Variants in DOP1B observed in about 807,000 individuals in gnomAD.
DOP1B encodes protein DOP1B.
Under a neutral mutation model 233.5 loss-of-function variants are expected in DOP1B, and 174 were observed. That is an observed-to-expected ratio of 0.75 (90% CI 0.66 to 0.85). The LOEUF is 0.85. Among genes scored for constraint, DOP1B ranks in the 40% least tolerant of loss-of-function variants. The pLI, the probability that DOP1B is intolerant of heterozygous loss-of-function variation, is 0.00. For synonymous variants in DOP1B, 1,190 were observed against 1,185.6 expected (o/e 1.00, Z -0.08); for missense variants, 2,652 against 2,846.6 (o/e 0.93, Z 1.56).
At chr21:36,202,127 C>T (rs2066374926) in intron 4 of DOP1B, among the ~76,000 whole-genome samples, 2 of 152,150 alleles carry the variant, frequency 1.3e-5, no homozygotes, top group African/African-American at 4.8e-5. Flanking sequence ...GTGAAGGTTG[C>T]AGCGAGCCGA....
At chr21:36,260,040 G>T (rs2067150295) in intron 23 of DOP1B, among the ~76,000 whole-genome samples, 1 of 151,770 alleles carries the variant, frequency 6.6e-6, no homozygotes, top group Non-Finnish European at 1.5e-5. Context: ...GGGTGCGGTG[G>T]TTCTACTTGG....
intron 11 of DOP1B, among the ~76,000 whole-genome samples, chr21:36,224,376 C>T (rs1251937292): frequency 6.6e-6 from 1 of 152,076 alleles, no homozygotes; most frequent in Non-Finnish European, 1.5e-5. Flanking sequence ...GACAGGGTTT[C>T]ACCATGTTGG....
At chr21:36,292,611 GTT>G (rs35069387) in intron 36 of DOP1B, among the ~76,000 whole-genome samples, 45,374 of 124,132 alleles carry the variant, frequency 0.37, 6,518 homozygotes, top group Middle Eastern at 0.45. Context: ...TTGTTTTTGG[GTT>G]TTTTTTTTTT....
At chr21:36,198,443 G>A (rs1343076221) in intron 2 of DOP1B, among the ~76,000 whole-genome samples, 4 of 149,088 alleles carry the variant, frequency 2.7e-5, no homozygotes, top group Non-Finnish European at 4.5e-5. Flanking sequence ...AAAAAAAAAA[G>A]AAAAAAAAAG....
chr21:36,242,810 A>G (rs1344254071), intron 18 of DOP1B, among the ~76,000 whole-genome samples: 2 of 152,072 alleles, frequency 1.3e-5, no homozygotes, highest in African/African-American at 2.4e-5. Flanking sequence ...TCTATTTTTA[A>G]AATACTGCTA....
At chr21:36,271,296 CACCCA>C (rs1212975505) in intron 27 of DOP1B, among the ~76,000 whole-genome samples, 8,960 of 149,106 alleles carry the variant, frequency 0.06, 771 homozygotes, top group African/African-American at 0.18. Context: ...GGTTGGAGTT[CACCCA>C]GGTTGGAGTT....
chr21:36,201,345 CTTTTTTT>C (rs1172730528), intron 4 of DOP1B, among the ~76,000 whole-genome samples: 3 of 83,290 alleles, frequency 3.6e-5, no homozygotes, highest in South Asian at 9.1e-4. Flanking sequence ...CTATTGGATT[CTTTTTTT>C]TTTTTTTTTT....
rs1167009438 is a variant in DOP1B, at chr21:36,288,782, A to G, written c.6324A>G (p.Glu2108=). ...TTCAGACATTCACACAGCTTGAAGAAGATCTAAAAGATGAAGATGAGTCAT... is the reference window on the plus strand; with the variant it reads ...TTCAGACATTCACACAGCTTGAAGAGGATCTAAAAGATGAAGATGAGTCAT... ...ELIQTFTQLE[E]DLKDEDESLR... The change falls in exon 34 of 37, where the codon GAA becomes GAG. Residue 2108 remains glutamate, a synonymous_variant. Transcript: ENST00000691173. 1 of 1,613,768 alleles carries G rather than the reference A, an allele frequency of 6.2e-7. No homozygotes were observed.
rs545388765 is a variant in DOP1B, at chr21:36,191,373, G to A, written c.139-7697G>A. Among the ~76,000 whole-genome samples, 4 of 152,218 alleles carry A rather than the reference G, an allele frequency of 2.6e-5. No homozygotes were observed. In the South Asian group the frequency reaches 8.3e-4, roughly 32 times the overall value. On this transcript the variant is annotated intron_variant, in intron 2 of 36. Transcript: ENST00000691173. ...TTATTGTGGTAATTAAAGATTGAAA[G>A]CTCACTCTCAAGAGAGCTGCACCAA...
chr21:36,272,625 T>G (rs1221329985), intron 27 of DOP1B, among the ~76,000 whole-genome samples: 2 of 116,200 alleles, frequency 1.7e-5, no homozygotes, highest in African/African-American at 3.4e-5. Context: ...CCAGCCTGGG[T>G]GACAGAGCGA....
chr21:36,278,423 G>A (rs2067379354), intron 30 of DOP1B, 68 bp downstream of exon 30: 2 of 1,511,666 alleles, frequency 1.3e-6, no homozygotes, highest in Non-Finnish European at 1.8e-6. Flanking sequence ...TTGGTTTACA[G>A]AATTCTCATT....
intron 4 of DOP1B, among the ~76,000 whole-genome samples, chr21:36,205,993 AG>A (rs2066421472): frequency 7.1e-6 from 1 of 140,686 alleles, no homozygotes; most frequent in Non-Finnish European, 1.5e-5. Context: ...CTGGGCAACA[AG>A]AGTGAAACTC....
intron 35 of DOP1B, among the ~76,000 whole-genome samples, chr21:36,291,066 A>G (rs1485278491): frequency 1.3e-5 from 2 of 151,996 alleles, no homozygotes; most frequent in Admixed American, 1.3e-4. Flanking sequence ...GTTCAAGACC[A>G]GCCAGGCCAA....
At chr21:36,223,616 G>A (rs528703766) in intron 11 of DOP1B, among the ~76,000 whole-genome samples, 24 of 152,198 alleles carry the variant, frequency 1.6e-4, no homozygotes, top group African/African-American at 4.8e-4. Context: ...AATCCTCAGC[G>A]CATTTTCTGG....
intron 1 of DOP1B, among the ~76,000 whole-genome samples, chr21:36,163,362 A>AAC (rs2065884569): frequency 6.6e-6 from 1 of 150,942 alleles, no homozygotes; most frequent in African/African-American, 2.4e-5. Flanking sequence ...AAAAAAAAGA[A>AAC]AGAAAGAAAG....
Position 36,293,748 on chromosome 21 carries a change from C to G in DOP1B, c.*177C>G. On this transcript the variant is annotated 3_prime_UTR_variant, in exon 37 of 37. Coordinates refer to ENST00000691173, the MANE Select transcript of DOP1B (RefSeq NM_001320714.2). ...CTGTAATCTCAGCACTTTGGGAGGCCAAGGCAGGCAGATCACTTGAGGTCA... is the reference window on the plus strand; with the variant it reads ...CTGTAATCTCAGCACTTTGGGAGGCGAAGGCAGGCAGATCACTTGAGGTCA... 1 of 629,046 alleles carries G rather than the reference C, an allele frequency of 1.6e-6. No homozygotes were observed. Among genetic ancestry groups the G allele is most frequent in the Non-Finnish European group, 2.7e-6 (1 of 371,614 alleles). 39.0% of individuals were successfully genotyped at this position (629,046 alleles called of 1,614,324 possible).
Position 36,187,255 on chromosome 21 carries a change from C to T in DOP1B, c.139-11815C>T, listed in dbSNP as rs528995998. Among the ~76,000 whole-genome samples the T allele has an allele frequency of 2.6e-3, 383 of 145,658 alleles. 1 individual carries two copies. Among genetic ancestry groups the T allele is most frequent in the Non-Finnish European group, 4.3e-3 (283 of 66,412 alleles). On this transcript the variant is annotated intron_variant, in intron 2 of 36. Transcript: ENST00000691173. Reference sequence around the variant, plus strand: ...CCGGGGGAGGGTGCTTGACTGTGGCCAGCGCCCATTCATCGTCTGTGGGGA... The same window carrying T: ...CCGGGGGAGGGTGCTTGACTGTGGCTAGCGCCCATTCATCGTCTGTGGGGA...
intron 32 of DOP1B, among the ~76,000 whole-genome samples, chr21:36,283,960 T>C (rs74897968): frequency 2.1e-5 from 3 of 141,172 alleles, no homozygotes; most frequent in African/African-American, 5.3e-5. Context: ...TTTTTTTTTT[T>C]CCTTTGAGAT....
At chr21:36,227,465 T>G (rs902366157) in intron 12 of DOP1B, among the ~76,000 whole-genome samples, 14 of 151,390 alleles carry the variant, frequency 9.2e-5, no homozygotes, top group East Asian at 3.9e-4. Flanking sequence ...GAGAATGGCG[T>G]GAACCCGGGA....
Sources: gnomAD v4.1 joint callset for allele counts (sites outside exome capture counted in the v4.1 genomes callset) on GRCh38, gnomAD v4.1.1 for gene constraint, MANE v1.5 for transcripts, NCBI Gene and HGNC (gene_info 2026-07-23, HGNC 2026-07-21) for gene names.